PDE1A: variants seen among roughly 807,000 people sequenced by gnomAD.
PDE1A encodes phosphodiesterase 1A, also known as dual specificity calcium/calmodulin-dependent 3',5'-cyclic nucleotide phosphodiesterase 1A.
Under a neutral mutation model 61.7 loss-of-function variants are expected in PDE1A, and 35 were observed. The ratio of observed to expected loss-of-function variants is 0.57; its 90% confidence interval spans 0.43 to 0.75. The LOEUF is 0.75. Among genes scored for constraint, PDE1A ranks in the 30% least tolerant of loss-of-function variants. PDE1A has a pLI of 0.00. For missense variants in PDE1A, 597 were observed against 630.6 expected (o/e 0.95, Z 0.57); for synonymous variants, 232 against 213.2 (o/e 1.09, Z -0.77).
At chr2:182,500,811 G>A (rs911193274) in intron 2 of PDE1A, among the ~76,000 whole-genome samples, 6 of 152,118 alleles carry the variant, frequency 3.9e-5, no homozygotes, top group Non-Finnish European at 8.8e-5. Context: ...TTGTGACCCA[G>A]CAAATTCTAT....
intron 1 of PDE1A, among the ~76,000 whole-genome samples, chr2:182,319,656 T>A (rs115459692): frequency 0.028 from 4,321 of 152,246 alleles, 100 homozygotes; most frequent in East Asian, 0.081. Context: ...AAGTAAGAAG[T>A]ATGTTTAAGC....
chr2:182,573,550 A>G, the PDE1A span, among the ~76,000 whole-genome samples: 1 of 152,140 alleles, frequency 6.6e-6, no homozygotes, highest in Non-Finnish European at 1.5e-5. Context: ...AGGAATCTTA[A>G]TAGATCCTGG....
intron 7 of PDE1A, among the ~76,000 whole-genome samples, chr2:182,223,206 C>G (rs945524688): frequency 3.3e-5 from 5 of 151,950 alleles, no homozygotes; most frequent in Admixed American, 6.6e-5. Context: ...GTCTGTAAGT[C>G]AAGAAGAGCA....
At chr2:182,665,638 T>A in the PDE1A span, among the ~76,000 whole-genome samples, 1 of 152,106 alleles carries the variant, frequency 6.6e-6, no homozygotes, top group Non-Finnish European at 1.5e-5. Flanking sequence ...TTAGTTCAAC[T>A]ATTGTGTAAG....
At chr2:182,486,197 C>A (rs1688013493) in intron 2 of PDE1A, among the ~76,000 whole-genome samples, 1 of 151,768 alleles carries the variant, frequency 6.6e-6, no homozygotes, top group Non-Finnish European at 1.5e-5. Context: ...ATAAGAAATT[C>A]TATTCAAAAA....
chr2:182,431,012 TGA>T (rs1703916507), upstream of PDE1A, among the ~76,000 whole-genome samples: 1 of 120,190 alleles, frequency 8.3e-6, no homozygotes, highest in Non-Finnish European at 1.8e-5. Context: ...TGCTAGATGA[TGA>T]GTTAGTGGGT....
At chr2:182,646,444 C>T in the PDE1A span, among the ~76,000 whole-genome samples, 1 of 146,368 alleles carries the variant, frequency 6.8e-6, no homozygotes, top group South Asian at 2.2e-4. Flanking sequence ...AATCCCAGTA[C>T]TTTGGGAGGC....
chr2:182,425,811 T>C (rs557567640), intron 1 of PDE1A, among the ~76,000 whole-genome samples: 20 of 152,332 alleles, frequency 1.3e-4, no homozygotes, highest in Admixed American at 1.1e-3. Context: ...GATATATAAC[T>C]GACTTTCTTA....
At chr2:182,392,627 C>G (rs1037597416) in intron 1 of PDE1A, among the ~76,000 whole-genome samples, 1 of 152,176 alleles carries the variant, frequency 6.6e-6, no homozygotes, top group Non-Finnish European at 1.5e-5. Flanking sequence ...TCCCTTCTGC[C>G]TATGAGACTG....
the PDE1A span, among the ~76,000 whole-genome samples, chr2:182,646,419 G>A: frequency 2.7e-5 from 4 of 146,062 alleles, no homozygotes; most frequent in Admixed American, 1.4e-4. Flanking sequence ...GCCATACGCG[G>A]TGGCTCACAC....
intron 1 of PDE1A, among the ~76,000 whole-genome samples, chr2:182,356,564 A>T (rs1699192472): frequency 6.6e-6 from 1 of 152,122 alleles, no homozygotes; most frequent in African/African-American, 2.4e-5. Flanking sequence ...AGCCTGGGCA[A>T]CATGGAGAAA....
chr2:182,221,247 C>T (rs1308237386), intron 7 of PDE1A, among the ~76,000 whole-genome samples: 1 of 151,974 alleles, frequency 6.6e-6, no homozygotes, highest in Non-Finnish European at 1.5e-5. Flanking sequence ...AAGAGGCCAG[C>T]CCACTGGCCT....
At chr2:182,619,929 G>C in the PDE1A span, among the ~76,000 whole-genome samples, 1,148 of 152,260 alleles carry the variant, frequency 7.5e-3, 14 homozygotes, top group African/African-American at 0.026. Context: ...GGGAGCAAGA[G>C]AGAACTCACT....
chr2:182,580,871 T>C, the PDE1A span, among the ~76,000 whole-genome samples: 1 of 152,064 alleles, frequency 6.6e-6, no homozygotes, highest in Non-Finnish European at 1.5e-5. Context: ...TTTTTGTCCC[T>C]TTTTCCCCAT....
chr2:182,663,531 A>G, the PDE1A span, among the ~76,000 whole-genome samples: 2 of 152,224 alleles, frequency 1.3e-5, no homozygotes, highest in Admixed American at 6.5e-5. Context: ...AGGAACATGC[A>G]TGGAGCTGGA....
intron 3 of PDE1A, among the ~76,000 whole-genome samples, chr2:182,238,195 G>A (rs910282777): frequency 5.4e-5 from 8 of 149,480 alleles, no homozygotes; most frequent in African/African-American, 2.0e-4. Context: ...CTTGAACCCG[G>A]GAGGCGGAGC....
At chr2:182,449,962 A>G (rs1172412791) in intron 2 of PDE1A, among the ~76,000 whole-genome samples, 1 of 152,094 alleles carries the variant, frequency 6.6e-6, no homozygotes, top group African/African-American at 2.4e-5. Context: ...ACCAAACTCA[A>G]TTACACCAAC....
At chr2:182,572,793 C>T in the PDE1A span, among the ~76,000 whole-genome samples, 7 of 146,914 alleles carry the variant, frequency 4.8e-5, no homozygotes, top group Admixed American at 6.9e-5. Flanking sequence ...GGTGTGAACC[C>T]GGGAGGCGGA....
At chr2:182,421,715 A>G (rs923097347) in intron 1 of PDE1A, among the ~76,000 whole-genome samples, 1 of 152,206 alleles carries the variant, frequency 6.6e-6, no homozygotes, top group African/African-American at 2.4e-5. Flanking sequence ...AACTGGAAAA[A>G]TAACAAGGCA....
Sources: allele counts gnomAD v4.1 joint callset (sites outside exome capture counted in the v4.1 genomes callset), GRCh38; gene constraint gnomAD v4.1.1; transcripts MANE v1.5; gene names NCBI Gene and HGNC (gene_info 2026-07-23, HGNC 2026-07-21).